CPA6: variants seen among roughly 807,000 people sequenced by gnomAD.
The protein encoded by CPA6 is carboxypeptidase B.
A neutral mutation model predicts 63.3 loss-of-function variants in CPA6; 58 were observed. The ratio of observed to expected loss-of-function variants is 0.92; its 90% CI spans 0.74 to 1.14. The LOEUF (loss-of-function observed/expected upper bound fraction) is 1.14, where lower values mean the gene tolerates loss of function less well. Ranked by LOEUF, CPA6 falls within the 50% of genes most tolerant of loss-of-function variation. The pLI is 0.00. For synonymous variants in CPA6, 185 were observed against 179.0 expected, an observed-to-expected ratio of 1.03 and a Z score of -0.27; for missense variants, 565 against 526.6, an observed-to-expected ratio of 1.07 and a Z score of -0.71.
chr8:67,484,002 G>A, intron 7 of CPA6, 144 bp from the exon 8 acceptor site: 2 of 685,074 alleles, frequency 2.9e-6, no homozygotes, highest in Non-Finnish European at 5.0e-6. Flanking sequence ...GTGAAAAAGA[G>A]CACTGGATTA....
chr8:67,655,049 C>G (rs1293072730), intron 1 of CPA6, among the ~76,000 whole-genome samples: 2 of 152,106 alleles, frequency 1.3e-5, no homozygotes, highest in Admixed American at 1.3e-4. Context: ...TTGAATGTTA[C>G]AAGGTTACAC....
At chr8:67,607,154 C>CTCTTCTTCTTCTTCCTCT (rs1385266514) in intron 2 of CPA6, among the ~76,000 whole-genome samples, 2 of 95,128 alleles carry the variant, frequency 2.1e-5, no homozygotes, top group African/African-American at 9.3e-5. Context: ...CCCCCCCCTC[C>CTCTTCTTCTTCTTCCTCT]TCTTCTTCTT....
intron 1 of CPA6, among the ~76,000 whole-genome samples, chr8:67,629,479 C>CAAAAAA (rs34412333): frequency 4.3e-4 from 40 of 94,012 alleles, no homozygotes; most frequent in Admixed American, 5.9e-4. Context: ...GACCCTGTCT[C>CAAAAAA]AAAAAAAAAA....
intron 1 of CPA6, among the ~76,000 whole-genome samples, chr8:67,710,397 GCC>G (rs1322760447): frequency 5.5e-5 from 5 of 90,912 alleles, no homozygotes; most frequent in African/African-American, 2.0e-4. Flanking sequence ...CAAATTTCCC[GCC>G]CCCACCCCCC....
At chr8:67,595,683 G>A (rs890797224) in intron 2 of CPA6, among the ~76,000 whole-genome samples, 4 of 151,986 alleles carry the variant, frequency 2.6e-5, no homozygotes, top group African/African-American at 4.8e-5. Context: ...AGGACCTTCC[G>A]AGCCAGGTGC....
At chr8:67,728,345 A>C (rs1219640059) in intron 1 of CPA6, among the ~76,000 whole-genome samples, 6 of 152,130 alleles carry the variant, frequency 3.9e-5, no homozygotes, top group African/African-American at 1.4e-4. Context: ...ACATTAATAC[A>C]CTTGTATACC....
intron 1 of CPA6, among the ~76,000 whole-genome samples, chr8:67,647,882 T>C (rs1312302745): frequency 6.6e-6 from 1 of 152,018 alleles, no homozygotes; most frequent in Non-Finnish European, 1.5e-5. Context: ...TAAAAATCAT[T>C]TACTACCCCC....
chr8:67,606,711 G>C (rs989389580), intron 2 of CPA6, among the ~76,000 whole-genome samples: 84 of 152,258 alleles, frequency 5.5e-4, no homozygotes, highest in Non-Finnish European at 2.9e-5. Context: ...GTCCTTGGTT[G>C]GACCCAGCAT....
At chr8:67,570,138 G>A (rs1215284337) in intron 2 of CPA6, 1 of 152,208 alleles carries the variant, frequency 6.6e-6, no homozygotes, top group Non-Finnish European at 1.5e-5. Flanking sequence ...ACTGCAGCTT[G>A]AATTGAAATT....
At chr8:67,664,724 A>C (rs914214674) in intron 1 of CPA6, among the ~76,000 whole-genome samples, 10 of 152,136 alleles carry the variant, frequency 6.6e-5, no homozygotes, top group African/African-American at 2.4e-4. Context: ...TCAATGGAAA[A>C]GGTACACTTT....
chr8:67,611,266 T>C (rs1309934768), intron 2 of CPA6, among the ~76,000 whole-genome samples: 1 of 152,172 alleles, frequency 6.6e-6, no homozygotes, highest in Non-Finnish European at 1.5e-5. Flanking sequence ...GTATTTTTAG[T>C]AGAGACAGGG....
At chr8:67,616,153 G>A (rs1814942362) in intron 2 of CPA6, among the ~76,000 whole-genome samples, 1 of 152,210 alleles carries the variant, frequency 6.6e-6, no homozygotes, top group African/African-American at 2.4e-5. Context: ...AGCCTCACCT[G>A]AGCAACTGAG....
At chr8:67,660,781 T>C (rs1175821210) in intron 1 of CPA6, among the ~76,000 whole-genome samples, 1 of 152,170 alleles carries the variant, frequency 6.6e-6, no homozygotes, top group Admixed American at 6.5e-5. Flanking sequence ...CCATCGGTTT[T>C]CCAAAGGATG....
chr8:67,589,742 A>AG (rs2128980587), intron 2 of CPA6, among the ~76,000 whole-genome samples: 1 of 152,266 alleles, frequency 6.6e-6, no homozygotes, highest in Non-Finnish European at 1.5e-5. Context: ...TAGGTCAAGA[A>AG]GCAAAACATC....
At chr8:67,664,120 G>C (rs1264749494) in intron 1 of CPA6, among the ~76,000 whole-genome samples, 1 of 152,122 alleles carries the variant, frequency 6.6e-6, no homozygotes, top group Non-Finnish European at 1.5e-5. Flanking sequence ...TCATTGTGGT[G>C]GTCTCACAAA....
chr8:67,576,459 C>T (rs1283588274), intron 2 of CPA6, among the ~76,000 whole-genome samples: 2 of 152,168 alleles, frequency 1.3e-5, no homozygotes, highest in Non-Finnish European at 2.9e-5. Flanking sequence ...ATAAATCCCA[C>T]TGCTTGTAGA....
At chr8:67,609,559 A>T (rs1426232449) in intron 2 of CPA6, among the ~76,000 whole-genome samples, 1 of 152,210 alleles carries the variant, frequency 6.6e-6, no homozygotes, top group Non-Finnish European at 1.5e-5. Flanking sequence ...CTGATTCATA[A>T]GGGCTCTTAT....
rs771960743 is a variant in CPA6, at chr8:67,434,117, A to T, written c.962T>A (p.Leu321His). The T allele has an allele frequency of 7.4e-6, 12 of 1,613,960 alleles. No individual in the cohort carries two copies. In the South Asian group the frequency reaches 1.3e-4, roughly 18 times the overall value. Residue 321 changes from leucine (L) to histidine (H), a missense_variant, in exon 9 of 11, where the codon CTC becomes CAC. Transcript: ENST00000297770. ...CATCTGAGCATATGCATGAAAGGAG[A>T]GATAAGCCCTAATGTGCTTTCTGTG... Reference protein sequence around the residue: ...RKHRKHIRAYLSFHAYAQMLL... With the variant: ...RKHRKHIRAYHSFHAYAQMLL...
chr8:67,484,869 A>G (rs1275431090), intron 6 of CPA6, 80 bp from the exon 7 acceptor site: 1 of 719,730 alleles, frequency 1.4e-6, no homozygotes. Flanking sequence ...CTTTCTATCC[A>G]TGAGAACTAC....
Sources: allele counts gnomAD v4.1 joint callset (sites outside exome capture counted in the v4.1 genomes callset), GRCh38; gene constraint gnomAD v4.1.1; transcripts MANE v1.5; gene names NCBI Gene and HGNC (gene_info 2026-07-23, HGNC 2026-07-21).